Variants in TANGO6 observed in about 807,000 individuals in gnomAD.
The protein encoded by TANGO6 is transport and Golgi organization protein 6 homolog.
In TANGO6, 90 loss-of-function variants were observed where a neutral mutation model predicts 114.2. The observed-to-expected ratio is 0.79, with a 90% CI of 0.66 to 0.94. The LOEUF (loss-of-function observed/expected upper bound fraction) is 0.94. Among genes scored for constraint, TANGO6 ranks in the 40% least tolerant of loss-of-function variants. The pLI is 0.00. For synonymous variants in TANGO6, 477 were observed against 509.8 expected (o/e 0.94, Z 0.87); for missense variants, 1,274 against 1,315.3 (o/e 0.97, Z 0.49).
intron 15 of TANGO6, among the ~76,000 whole-genome samples, chr16:69,005,210 C>T (rs1287939949): frequency 1.3e-5 from 2 of 152,136 alleles, no homozygotes; most frequent in Non-Finnish European, 2.9e-5. Flanking sequence ...TAACCAATTG[C>T]TCAACTATCC....
intron 16 of TANGO6, among the ~76,000 whole-genome samples, chr16:69,036,819 T>C (rs1251943015): frequency 6.6e-6 from 1 of 151,884 alleles, no homozygotes. Flanking sequence ...ACAAATTAGC[T>C]ATGCGTAGTG....
chr16:68,907,687 A>C (rs909608893), intron 10 of TANGO6, 112 bp downstream of exon 10: 215 of 1,284,640 alleles, frequency 1.7e-4, no homozygotes, highest in Non-Finnish European at 2.0e-4. Context: ...GCCCTAATTT[A>C]AGGAAAATGG....
intron 14 of TANGO6, among the ~76,000 whole-genome samples, chr16:68,939,098 A>C (rs1963326179): frequency 6.6e-6 from 1 of 150,662 alleles, no homozygotes; most frequent in Non-Finnish European, 1.5e-5. Context: ...AAAAGCAAAC[A>C]ACAATAACAA....
At chr16:69,029,269 G>T (rs1392394621) in intron 16 of TANGO6, among the ~76,000 whole-genome samples, 1 of 152,190 alleles carries the variant, frequency 6.6e-6, no homozygotes, top group Non-Finnish European at 1.5e-5. Flanking sequence ...GGGAATGAAT[G>T]AGAGCCCAGC....
At chr16:68,895,511 A>C (rs912570047) in intron 7 of TANGO6, among the ~76,000 whole-genome samples, 1 of 152,216 alleles carries the variant, frequency 6.6e-6, no homozygotes, top group Non-Finnish European at 1.5e-5. Flanking sequence ...TTTGCCTTCC[A>C]GGCTAGTTCA....
chr16:68,936,118 A>T (rs1321370302), intron 14 of TANGO6, among the ~76,000 whole-genome samples: 1 of 152,194 alleles, frequency 6.6e-6, no homozygotes, highest in East Asian at 1.9e-4. Context: ...CAGGAGGTTA[A>T]GGCTGCAGAG....
chr16:69,043,150 G>A (rs1425233866), intron 17 of TANGO6, among the ~76,000 whole-genome samples: 2 of 152,038 alleles, frequency 1.3e-5, no homozygotes, highest in Non-Finnish European at 2.9e-5. Context: ...CACTTGAACC[G>A]GGGAGGCGGA....
chr16:68,847,696 A>G (rs771004967), intron 1 of TANGO6, among the ~76,000 whole-genome samples: 1 of 152,154 alleles, frequency 6.6e-6, no homozygotes, highest in Non-Finnish European at 1.5e-5. Flanking sequence ...CTTGTCCTGG[A>G]AAGTCCTAGA....
rs116995361 is a variant in TANGO6 at position 69,071,990 on chromosome 16, C to T, written c.3109-11495C>T. ...GCTTTGTGTGTTTCAGGCCAACTGG[C>T]GCCTGGAAAGAGGGAGGGTGAAGAG... On this transcript the variant is annotated intron_variant, in intron 17 of 17. Coordinates refer to ENST00000261778, the MANE Select transcript of TANGO6 (RefSeq NM_024562.2). Among the ~76,000 whole-genome samples, 26 of 146,292 alleles carry T rather than the reference C, an allele frequency of 1.8e-4. No homozygotes were observed. In the East Asian group the frequency reaches 4.1e-3, roughly 23 times the overall value.
intron 3 of TANGO6, 119 bp from the exon 4 acceptor site, chr16:68,866,960 T>G (rs1180418207): frequency 2.0e-6 from 2 of 988,506 alleles, no homozygotes; most frequent in Non-Finnish European, 2.9e-6. Context: ...AGTCTGCATA[T>G]CATAGCTATT....
chr16:68,974,873 C>G (rs778060894), intron 15 of TANGO6, among the ~76,000 whole-genome samples: 2 of 152,024 alleles, frequency 1.3e-5, no homozygotes, highest in Non-Finnish European at 2.9e-5. Context: ...CAAGTCCAGC[C>G]TGGGTAACAT....
intron 11 of TANGO6, among the ~76,000 whole-genome samples, chr16:68,918,527 T>A (rs1284632640): frequency 6.6e-6 from 1 of 152,246 alleles, no homozygotes; most frequent in Non-Finnish European, 1.5e-5. Flanking sequence ...TAAGTTAATT[T>A]ACAAGTCATT....
chr16:69,013,426 G>A (rs1959229897), intron 15 of TANGO6, among the ~76,000 whole-genome samples: 2 of 151,940 alleles, frequency 1.3e-5, no homozygotes, highest in African/African-American at 2.4e-5. Flanking sequence ...GACAAGACTG[G>A]GCAACATGGC....
chr16:69,013,566 G>A (rs1422717359), intron 15 of TANGO6, among the ~76,000 whole-genome samples: 2 of 148,066 alleles, frequency 1.4e-5, no homozygotes, highest in Non-Finnish European at 3.0e-5. Context: ...GCAATAAGCC[G>A]TGATTACACC....
chr16:68,988,472 T>C (rs1963917143), intron 15 of TANGO6, among the ~76,000 whole-genome samples: 1 of 152,198 alleles, frequency 6.6e-6, no homozygotes, highest in Admixed American at 6.5e-5. Flanking sequence ...CTCTCTTCCA[T>C]GCACATAGTG....
chr16:68,863,076 G>T lies in TANGO6; in HGVS notation c.852+15G>T. 2 of 1,456,858 alleles carry T rather than the reference G, an allele frequency of 1.4e-6. No homozygotes were observed. The highest frequency in any genetic ancestry group is 4.9e-5 in the East Asian group (2 of 41,182). The allele number at this position is 1,456,858 out of a possible 1,614,324, so 90.2% of individuals were successfully genotyped here. ...GACCACCCCAGGTACTCAGGCCTAGGGACTCTTGGGGGTGACTCATTAATG... is the reference window on the plus strand; with the variant it reads ...GACCACCCCAGGTACTCAGGCCTAGTGACTCTTGGGGGTGACTCATTAATG... On this transcript the variant is annotated intron_variant, in intron 3 of 17. Transcript: ENST00000261778.
chr16:69,057,460 A>G (rs1192388889), intron 17 of TANGO6, among the ~76,000 whole-genome samples: 1 of 152,072 alleles, frequency 6.6e-6, no homozygotes, highest in Non-Finnish European at 1.5e-5. Context: ...GAATTCTGCT[A>G]TCCCTATTTT....
intron 4 of TANGO6, among the ~76,000 whole-genome samples, chr16:68,869,044 A>G (rs1298842487): frequency 6.6e-6 from 1 of 152,210 alleles, no homozygotes; most frequent in Non-Finnish European, 1.5e-5. Context: ...ATTGTATATT[A>G]TGATTACTTT....
intron 17 of TANGO6, among the ~76,000 whole-genome samples, chr16:69,052,810 G>T (rs1470089919): frequency 6.6e-6 from 1 of 151,908 alleles, no homozygotes; most frequent in Non-Finnish European, 1.5e-5. Flanking sequence ...TCTATAAAAT[G>T]GAAATAATAA....
Sources: allele counts gnomAD v4.1 joint callset (sites outside exome capture counted in the v4.1 genomes callset), GRCh38; gene constraint gnomAD v4.1.1; transcripts MANE v1.5; gene names NCBI Gene and HGNC (gene_info 2026-07-23, HGNC 2026-07-21).